The following AFG2A variants were observed in gnomAD, a reference collection of about 807,000 sequenced individuals.
AFG2A encodes the protein AAA ATPase AFG2A.
the AFG2A span, among the ~76,000 whole-genome samples, chr4:123,278,563 C>A: frequency 1.6e-4 from 24 of 152,144 alleles, no homozygotes; most frequent in Non-Finnish European, 1.9e-4. Flanking sequence ...AATTTGAGAT[C>A]TTGCTAACTC....
chr4:122,935,875 T>G, the AFG2A span: 1 of 1,544,278 alleles, frequency 6.5e-7, no homozygotes, highest in East Asian at 2.3e-5. Context: ...GTAAACTTAC[T>G]ATTAAATATA....
the AFG2A span, among the ~76,000 whole-genome samples, chr4:123,307,629 G>T: frequency 7.9e-5 from 12 of 152,090 alleles, no homozygotes; most frequent in Non-Finnish European, 1.5e-4. Flanking sequence ...ACAATAAATC[G>T]CCATTTGCAT....
the AFG2A span, among the ~76,000 whole-genome samples, chr4:123,242,353 C>A: frequency 6.6e-6 from 1 of 152,176 alleles, no homozygotes; most frequent in Non-Finnish European, 1.5e-5. Context: ...TACCTGACTT[C>A]AAAGTATACT....
the AFG2A span, among the ~76,000 whole-genome samples, chr4:122,980,501 T>G: frequency 6.6e-6 from 1 of 152,152 alleles, no homozygotes; most frequent in Non-Finnish European, 1.5e-5. Context: ...ATACTTCATT[T>G]CCTTTTGATA....
At chr4:123,061,906 C>A in the AFG2A span, among the ~76,000 whole-genome samples, 1 of 152,070 alleles carries the variant, frequency 6.6e-6, no homozygotes, top group African/African-American at 2.4e-5. Flanking sequence ...GGTTTTGGAC[C>A]CTAAAAAGGA....
the AFG2A span, among the ~76,000 whole-genome samples, chr4:123,094,958 A>G: frequency 6.7e-6 from 1 of 149,404 alleles, no homozygotes; most frequent in Non-Finnish European, 1.5e-5. Context: ...ACAACCAGTT[A>G]CTTTACTCTA....
chr4:123,015,299 G>T, the AFG2A span, among the ~76,000 whole-genome samples: 2 of 150,962 alleles, frequency 1.3e-5, no homozygotes, highest in African/African-American at 4.9e-5. Context: ...GTGAACAAAG[G>T]TCTCTGGTTT....
chr4:123,276,669 C>T, the AFG2A span, among the ~76,000 whole-genome samples: 4,808 of 152,002 alleles, frequency 0.032, 246 homozygotes, highest in African/African-American at 0.11. Context: ...TATGATGTAA[C>T]GAAGGGGTCT....
the AFG2A span, among the ~76,000 whole-genome samples, chr4:123,264,875 TA>T: frequency 6.6e-6 from 1 of 152,176 alleles, no homozygotes; most frequent in Non-Finnish European, 1.5e-5. Context: ...ATACCTGTCA[TA>T]AATTAAATTA....
chr4:123,285,557 G>A, the AFG2A span, among the ~76,000 whole-genome samples: 1 of 152,114 alleles, frequency 6.6e-6, no homozygotes, highest in African/African-American at 2.4e-5. Context: ...GTACCTTAGT[G>A]TGGGAGTGTG....
the AFG2A span, among the ~76,000 whole-genome samples, chr4:123,149,041 T>C: frequency 6.6e-5 from 10 of 152,126 alleles, no homozygotes; most frequent in Admixed American, 6.5e-5. Context: ...AGTGCTGGGA[T>C]TATAGGCGTG....
the AFG2A span, among the ~76,000 whole-genome samples, chr4:123,181,946 G>C: frequency 2.0e-5 from 3 of 152,188 alleles, no homozygotes. Context: ...AGTATCATCT[G>C]AGGTCAAGCT....
the AFG2A span, among the ~76,000 whole-genome samples, chr4:122,925,037 G>A: frequency 6.6e-6 from 1 of 151,874 alleles, no homozygotes. Flanking sequence ...GATACTTCAG[G>A]ACTAACTTCA....
the AFG2A span, among the ~76,000 whole-genome samples, chr4:122,934,994 G>C: frequency 1.3e-5 from 2 of 152,132 alleles, no homozygotes; most frequent in Non-Finnish European, 2.9e-5. Flanking sequence ...ACCTGTATTG[G>C]ATCTAGAATA....
At chr4:123,167,029 G>C in the AFG2A span, among the ~76,000 whole-genome samples, 1 of 151,574 alleles carries the variant, frequency 6.6e-6, no homozygotes. Context: ...CTCAATATGG[G>C]GAGAATAAAA....
chr4:123,264,846 T>G, the AFG2A span, among the ~76,000 whole-genome samples: 3 of 152,290 alleles, frequency 2.0e-5, no homozygotes, highest in East Asian at 5.8e-4. Flanking sequence ...TTTCAAGTGT[T>G]AAAAATCTGT....
chr4:122,953,534 A>G, the AFG2A span, among the ~76,000 whole-genome samples: 1 of 152,208 alleles, frequency 6.6e-6, no homozygotes, highest in East Asian at 1.9e-4. Flanking sequence ...TACTCTTATC[A>G]GGGTTCTGGG....
chr4:123,240,988 G>C, the AFG2A span, among the ~76,000 whole-genome samples: 6 of 152,188 alleles, frequency 3.9e-5, no homozygotes, highest in African/African-American at 1.2e-4. Context: ...ACTACCATCA[G>C]AGAATACTAT....
At chr4:123,274,447 A>G in the AFG2A span, among the ~76,000 whole-genome samples, 2 of 151,978 alleles carry the variant, frequency 1.3e-5, no homozygotes, top group African/African-American at 2.4e-5. Context: ...ATAATAACAA[A>G]TAATTTTTAT....
Sources: allele counts gnomAD v4.1 joint callset (sites outside exome capture counted in the v4.1 genomes callset), GRCh38; gene constraint gnomAD v4.1.1; transcripts MANE v1.5; gene names NCBI Gene and HGNC (gene_info 2026-07-23, HGNC 2026-07-21).